LIPN: variants seen among roughly 807,000 people sequenced by gnomAD.
LIPN encodes the protein lipase member N.
In LIPN, 32 loss-of-function variants were observed where a neutral mutation model predicts 43.7. The ratio of observed to expected loss-of-function variants is 0.73; its 90% CI spans 0.55 to 0.98. LIPN has a LOEUF of 0.98. Among genes scored for constraint, LIPN ranks in the 50% least tolerant of loss-of-function variants. The pLI is 0.00. For synonymous variants in LIPN, 156 were observed against 157.6 expected, an observed-to-expected ratio of 0.99 and a Z score of 0.08; for missense variants, 505 against 483.8, an observed-to-expected ratio of 1.04 and a Z score of -0.41.
intron 1 of LIPN, among the ~76,000 whole-genome samples, chr10:88,760,826 TG>T (rs1188891585): frequency 2.6e-5 from 4 of 152,182 alleles, no homozygotes; most frequent in African/African-American, 9.6e-5. Context: ...GTTATAGTGT[TG>T]GTCTACCTTT....
At position 88,779,615 on chromosome 10, in the gene LIPN, T is replaced by C. The variant is rs1202634007; in HGVS notation, c.*1373T>C. 4.6e-5 allele frequency among the ~76,000 whole-genome samples: 7 copies of C among 152,166 alleles called. No homozygotes were observed. Among genetic ancestry groups the C allele is most frequent in the East Asian group, 3.8e-4 (2 of 5,204 alleles). On this transcript the variant is annotated 3_prime_UTR_variant, in exon 10 of 10. Transcript: ENST00000404459. ...AATATAAAAAATAAAATTAGTTGTG[T>C]CAGGGTAGTAACATGATGAGTGATT...
Position 88,767,644 on chromosome 10 carries a change from C to CAAAAAAAA in LIPN, c.536-1107_536-1100dup, listed in dbSNP as rs61646268. On this transcript the variant is annotated intron_variant, in intron 5 of 9. Coordinates refer to ENST00000404459, the MANE Select transcript of LIPN (RefSeq NM_001102469.2). ...TAGATATGCTCTTATACTTGATCTG[C>CAAAAAAAA]AAAAAAAAAAAAAAAAAAAAAAAAA... is the stretch of plus-strand genomic sequence containing the variant. Among the ~76,000 whole-genome samples, 19 of 61,522 alleles carry CAAAAAAAA rather than the reference C, an allele frequency of 3.1e-4. 5 individuals carry two copies. Among genetic ancestry groups the CAAAAAAAA allele is most frequent in the Non-Finnish European group, 4.8e-4 (16 of 33,218 alleles). 40.4% of individuals were successfully genotyped at this position (61,522 alleles called of 152,430 possible). A position where few individuals can be genotyped will look rare whatever the true frequency, so the allele number is the denominator to read the frequency against.
At position 88,778,154 on chromosome 10, in the gene LIPN, A is replaced by G; in HGVS notation, c.1109A>G (p.Asp370Gly). Residue 370 changes from aspartate to glycine, a missense_variant, in exon 10 of 10, where the codon GAT becomes GGT. Asp to Gly is a moderately conservative substitution (Grantham distance 94). Transcript: ENST00000404459. ...KSLHYFKLLP[D>G]WNHFDFVWGL... is the part of the protein sequence containing the mutation. ...CTTCATTACTTTAAGCTATTGCCAGATTGGAACCACTTTGATTTTGTCTGG... is the reference window on the plus strand; with the variant it reads ...CTTCATTACTTTAAGCTATTGCCAGGTTGGAACCACTTTGATTTTGTCTGG... 6.2e-7 allele frequency: 1 copy of G among 1,613,570 alleles called. No homozygotes were observed. The highest frequency in any genetic ancestry group is 8.5e-7 in the Non-Finnish European group (1 of 1,179,730).
intron 2 of LIPN, among the ~76,000 whole-genome samples, chr10:88,761,754 TC>T (rs1402672159): frequency 1.6e-4 from 16 of 97,182 alleles, no homozygotes; most frequent in Admixed American, 5.5e-4. Context: ...TATCTATCTA[TC>T]TATCTATGTA....
rs1453353977 is a variant in LIPN, at chr10:88,764,460, T to C, written c.277T>C (p.Tyr93His). Residue 93 changes from tyrosine (Y) to histidine (H), a missense_variant, in exon 4 of 10, where the codon TAC (tyrosine) becomes CAC (histidine). Coordinates refer to ENST00000404459, the MANE Select transcript of LIPN (RefSeq NM_001102469.2). ...MQHALFADNA[Y>H]WLENYANGSL... ...GCATGCCCTGTTTGCAGACAATGCC[T>C]ACTGGCTTGAGAATTATGCTAATGG... 2 of 1,612,384 alleles carry C rather than the reference T, an allele frequency of 1.2e-6. No individual in the cohort carries two copies. The highest frequency in any genetic ancestry group is 2.7e-5 in the African/African-American group (2 of 74,776).
chr10:88,763,219 G>A (rs1272675189), intron 3 of LIPN, among the ~76,000 whole-genome samples: 1 of 151,972 alleles, frequency 6.6e-6, no homozygotes, highest in African/African-American at 2.4e-5. Context: ...AAATAATTTT[G>A]TATAAGTCTC....
chr10:88,770,880 T>G lies in LIPN; in HGVS notation c.708T>G (p.Asp236Glu), dbSNP rs549219679. 21 of 1,535,734 alleles carry G rather than the reference T, an allele frequency of 1.4e-5. No individual in the cohort carries two copies. The East Asian group carries it at 3.9e-4, about 29-fold the overall frequency. The stretch of plus-strand genomic sequence containing the variant: ...GTACCAAAGGTTTCTTTTTAGAAGA[T>G]AAGAAAACGAAGATAGCTTCTACCA... ...VFGTKGFFLEDKKTKIASTKI... is the reference protein window; with the variant it reads ...VFGTKGFFLEEKKTKIASTKI... Residue 236 changes from aspartate (D) to glutamate (E), a missense_variant, in exon 7 of 10, where the codon GAT becomes GAG. Asp to Glu is a conservative substitution (Grantham distance 45, BLOSUM62 2). Coordinates refer to ENST00000404459, the MANE Select transcript of LIPN (RefSeq NM_001102469.2).
intron 5 of LIPN, among the ~76,000 whole-genome samples, chr10:88,766,912 G>A (rs372892388): frequency 2.6e-5 from 4 of 152,090 alleles, no homozygotes; most frequent in South Asian, 2.1e-4. Context: ...TATTCAGTGT[G>A]TGATTTAGTA....
intron 9 of LIPN, 116 bp downstream of exon 9, chr10:88,775,279 T>C (rs1843278695): frequency 3.9e-6 from 2 of 517,834 alleles, no homozygotes; most frequent in South Asian, 4.3e-5. Flanking sequence ...GATAGAACTT[T>C]TTTTTAAAAA....
chr10:88,775,257 G>T, intron 9 of LIPN, 94 bp downstream of exon 9: 1 of 813,544 alleles, frequency 1.2e-6, no homozygotes, highest in Non-Finnish European at 1.9e-6. Flanking sequence ...GTCATTTGGT[G>T]GCATTTATAC....
chr10:88,768,734 T>G, intron 5 of LIPN, 58 bp from the exon 6 acceptor site: 1 of 1,511,394 alleles, frequency 6.6e-7, no homozygotes, highest in Admixed American at 1.9e-5. Context: ...CCAATTTTGT[T>G]AGAAACACTG....
chr10:88,776,910 C>A, intron 9 of LIPN, among the ~76,000 whole-genome samples: 1 of 152,046 alleles, frequency 6.6e-6, no homozygotes, highest in East Asian at 1.9e-4. Context: ...CTTCTCACTT[C>A]CCCTTCCTTC....
At chr10:88,767,644 C>CAAAAAAAAAAAAAAAAAAAAAAAAAAAA (rs61646268) in intron 5 of LIPN, among the ~76,000 whole-genome samples, 1 of 61,484 alleles carries the variant, frequency 1.6e-5, no homozygotes, top group Non-Finnish European at 3.0e-5. Flanking sequence ...ACTTGATCTG[C>CAAAAAAAAAAAAAAAAAAAAAAAAAAAA]AAAAAAAAAA....
At chr10:88,762,532 G>C (rs1843019909) in intron 3 of LIPN, among the ~76,000 whole-genome samples, 1 of 152,072 alleles carries the variant, frequency 6.6e-6, no homozygotes, top group Non-Finnish European at 1.5e-5. Flanking sequence ...ACTGCAACCA[G>C]AGGTACTTGT....
chr10:88,760,056 G>A lies in LIPN; in HGVS notation c.-59G>A, dbSNP rs72824220. ...TGATGTCAAAAGCAAAAGTTCAGAA[G>A]TTCCTCATCAATAAGGAGTCCTTGT... On this transcript the variant is annotated 5_prime_UTR_variant, in exon 1 of 10. Coordinates refer to ENST00000404459, the MANE Select transcript of LIPN (RefSeq NM_001102469.2). Among the ~76,000 whole-genome samples the A allele has an allele frequency of 4.1e-3, 628 of 152,196 alleles. 3 individuals carry two copies. Among genetic ancestry groups the A allele is most frequent in the Non-Finnish European group, 7.2e-3 (491 of 67,986 alleles).
At position 88,770,954 on chromosome 10, in the gene LIPN, C is replaced by A; in HGVS notation, c.782C>A (p.Ser261Tyr). Residue 261 changes from serine to tyrosine, a missense_variant, in exon 7 of 10, where the codon TCC (serine) becomes TAC (tyrosine). Physicochemically the swap from Ser to Tyr is moderately radical, Grantham distance 144. Transcript: ENST00000404459. ...TGGTTGATATGTAGCGAATTTATGT[C>A]CTTATGGGCTGGATCCAACAAGAAA... ...ILWLICSEFM[S>Y]LWAGSNKKNM... 1 of 1,570,854 alleles carries A rather than the reference C, an allele frequency of 6.4e-7. No homozygotes were observed. The highest frequency in any genetic ancestry group is 8.7e-7 in the Non-Finnish European group (1 of 1,155,902).
chr10:88,773,733 C>T (rs1426416160), intron 7 of LIPN, among the ~76,000 whole-genome samples: 1 of 151,876 alleles, frequency 6.6e-6, no homozygotes. Context: ...CTCTAAGAAG[C>T]TAAATTGTGT....
At chr10:88,774,653 TC>T in intron 8 of LIPN, 109 bp downstream of exon 8, 1 of 865,346 alleles carries the variant, frequency 1.2e-6, no homozygotes, top group Non-Finnish European at 1.9e-6. Context: ...AGAGCTTGCT[TC>T]CAGTTTGTCC....
intron 5 of LIPN, among the ~76,000 whole-genome samples, chr10:88,767,809 T>C (rs1216262840): frequency 6.6e-6 from 1 of 151,644 alleles, no homozygotes; most frequent in Non-Finnish European, 1.5e-5. Context: ...CACCCACTCT[T>C]TGTAGGACAT....
Sources: gnomAD v4.1 joint callset for allele counts (sites outside exome capture counted in the v4.1 genomes callset) on GRCh38, gnomAD v4.1.1 for gene constraint, MANE v1.5 for transcripts, NCBI Gene and HGNC (gene_info 2026-07-23, HGNC 2026-07-21) for gene names.